The following DBR1 variants were observed in gnomAD, a reference collection of about 807,000 sequenced individuals.
DBR1 encodes lariat debranching enzyme.
In DBR1, 33 loss-of-function variants were observed where a neutral mutation model predicts 45.9. The observed-to-expected ratio is 0.72, with a 90% confidence interval of 0.55 to 0.96. The LOEUF is 0.96. Ranked by LOEUF, DBR1 falls within the 40% of genes least tolerant of loss-of-function variation. DBR1 has a pLI of 0.00. For synonymous variants in DBR1, 235 were observed against 235.9 expected, an observed-to-expected ratio of 1.00 and a Z score of 0.04; for missense variants, 619 against 667.4, an observed-to-expected ratio of 0.93 and a Z score of 0.80.
intron 3 of DBR1, among the ~76,000 whole-genome samples, chr3:138,171,079 G>A (rs1375797024): frequency 6.6e-6 from 1 of 152,148 alleles, no homozygotes; most frequent in African/African-American, 2.4e-5. Flanking sequence ...GGCAAAGACA[G>A]GGAGGGAAGA....
rs771852144 is a variant in DBR1, at chr3:138,173,617, A to G, written c.207T>C (p.Ser69=). ...RHMQTFYRYY[S]GEKKAPVLTL... ...TGAGAACTGGAGCCTTTTTCTCTCC[A>G]GAGTAATACCTAGAACATAAGAGCA... Residue 69 remains serine (S), a synonymous_variant, in exon 2 of 8, where the codon TCT becomes TCC. Transcript: ENST00000260803. The G allele has an allele frequency of 2.5e-6, 4 of 1,613,602 alleles. No individual in the cohort carries two copies. Among genetic ancestry groups the G allele is most frequent in the Non-Finnish European group, 3.4e-6 (4 of 1,179,810 alleles).
At position 138,171,622 on chromosome 3, in the gene DBR1, CA is replaced by C; in HGVS notation, c.403+10del. ...AGTTCTAAAGTTTAAAAATAATTCT[CA>C]AAACAATACCTTTTCGATAGTCATG... On this transcript the variant is annotated intron_variant, in intron 3 of 7. Coordinates refer to ENST00000260803, the MANE Select transcript of DBR1 (RefSeq NM_016216.4). The C allele has an allele frequency of 6.3e-7, 1 of 1,599,868 alleles. No homozygotes were observed. Among genetic ancestry groups the C allele is most frequent in the Non-Finnish European group, 8.6e-7 (1 of 1,168,384 alleles).
chr3:138,163,254 T>A (rs2042915796), intron 7 of DBR1, 95 bp downstream of exon 7: 2 of 1,312,516 alleles, frequency 1.5e-6, no homozygotes, highest in South Asian at 2.8e-5. Context: ...ATAACAGAGC[T>A]AGACCCTGTT....
At position 138,161,428 on chromosome 3, in the gene DBR1, A is replaced by C. The variant is rs568446499; in HGVS notation, c.*461T>G. 6.4e-6 allele frequency: 1 copy of C among 155,060 alleles called. No homozygotes were observed. The highest frequency in any genetic ancestry group is 2.0e-4 in the South Asian group (1 of 5,042). 9.6% of individuals were successfully genotyped at this position (155,060 alleles called of 1,614,324 possible). On this transcript the variant is annotated 3_prime_UTR_variant, in exon 8 of 8. Transcript: ENST00000260803. ...TGAAACATACAAAAGCCTAAAGATA[A>C]AGTCAATATCTAACTAAAATTCTCT...
Position 138,163,442 on chromosome 3 carries a change from A to G in DBR1, c.848T>C (p.Ile283Thr). 1 of 1,612,488 alleles carries G rather than the reference A, an allele frequency of 6.2e-7. No individual in the cohort carries two copies. Among genetic ancestry groups the G allele is most frequent in the South Asian group, 1.1e-5 (1 of 91,024 alleles). Residue 283 changes from isoleucine (I) to threonine (T), a missense_variant, in exon 7 of 8, where the codon ATT (isoleucine) becomes ACT (threonine). Physicochemically the swap from Ile to Thr is moderately conservative, Grantham distance 89. Around this residue, in one of 3 missense-constraint regions of DBR1, gnomAD observed 430 missense variants for 447.7 expected, o/e 0.96. Transcript: ENST00000260803. ...AGCCCTGAGAATAGTGAGCCATTCA[A>G]TATCATATTCCAAGTAATCAGGAGC... is the stretch of plus-strand genomic sequence containing the variant. ...PSAPDYLEYD[I>T]EWLTILRATD...
Position 138,174,630 on chromosome 3 carries a change from G to A in DBR1, c.166C>T (p.Pro56Ser), listed in dbSNP as rs1472572099. 1.2e-6 allele frequency: 2 copies of A among 1,611,938 alleles called. No individual in the cohort carries two copies. Among genetic ancestry groups the A allele is most frequent in the Non-Finnish European group, 1.7e-6 (2 of 1,179,186 alleles). Residue 56 changes from proline to serine, a missense_variant, in exon 1 of 8, where the codon CCC (proline) becomes TCC (serine). Around this residue, in one of 3 missense-constraint regions of DBR1, gnomAD observed 430 missense variants for 447.7 expected, o/e 0.96. Coordinates refer to ENST00000260803, the MANE Select transcript of DBR1 (RefSeq NM_016216.4). ...AAGGTTTGCATGTGACGATACTTGG[G>A]CGGCACGGCCATGCAGCGTAGATCC... ...EADLRCMAVP[P>S]KYRHMQTFYR... is the part of the protein sequence containing the mutation.
Position 138,161,866 on chromosome 3 carries a change from AAAAAC to A in DBR1, c.*18_*22del. ...CATCTCAAAAAAACAAAACAAACAC[AAAAAC>A]AAAACAAGTAAATCATCTTAAGCTG... On this transcript the variant is annotated 3_prime_UTR_variant, in exon 8 of 8. Transcript: ENST00000260803. 6.3e-7 allele frequency: 1 copy of A among 1,589,702 alleles called. No individual in the cohort carries two copies. Among genetic ancestry groups the A allele is most frequent in the Non-Finnish European group, 8.6e-7 (1 of 1,159,922 alleles).
Position 138,174,774 on chromosome 3 carries a change from A to T in DBR1, c.22T>A (p.Cys8Ser). 6.2e-7 allele frequency: 1 copy of T among 1,610,792 alleles called. No homozygotes were observed. Among genetic ancestry groups the T allele is most frequent in the Non-Finnish European group, 8.5e-7 (1 of 1,179,502 alleles). The change falls in exon 1 of 8, where the codon TGC (cysteine) becomes AGC (serine). Residue 8 changes from cysteine to serine, a missense_variant. Physicochemically the swap from Cys to Ser is moderately radical, Grantham distance 112 (BLOSUM62 -1). Around this residue, in one of 3 missense-constraint regions of DBR1, gnomAD observed 430 missense variants for 447.7 expected, o/e 0.96. Transcript: ENST00000260803. The stretch of plus-strand genomic sequence containing the variant: ...ATCTTATCCAGCTCGCCGTGGCAGC[A>T]GCCAGCCACAGCCACCCGCATTCTG... The part of the protein sequence containing the change: MRVAVAG[C>S]CHGELDKIYE...
chr3:138,168,855 G>T (rs895305246), intron 4 of DBR1, among the ~76,000 whole-genome samples: 3 of 152,128 alleles, frequency 2.0e-5, no homozygotes, highest in Non-Finnish European at 4.4e-5. Context: ...CTATTCGGGA[G>T]GCTGAAGTGG....
intron 5 of DBR1, 57 bp downstream of exon 5, chr3:138,167,024 G>C: frequency 1.4e-6 from 2 of 1,467,014 alleles, no homozygotes; most frequent in Non-Finnish European, 9.5e-7. Context: ...ACTGTGTCTG[G>C]TCCATAGATG....
intron 3 of DBR1, chr3:138,171,293 T>C (rs2042952585): frequency 5.8e-6 from 1 of 171,680 alleles, no homozygotes; most frequent in Non-Finnish European, 1.2e-5. Context: ...ACCAACATGG[T>C]GAAACCCCGT....
At chr3:138,164,731 C>G (rs13082429) in intron 5 of DBR1, among the ~76,000 whole-genome samples, 1 of 152,252 alleles carries the variant, frequency 6.6e-6, no homozygotes, top group Non-Finnish European at 1.5e-5. Context: ...ACGGCAACCT[C>G]TGCCTCCCGG....
intron 7 of DBR1, 87 bp downstream of exon 7, chr3:138,163,262 G>A: frequency 7.0e-7 from 1 of 1,418,722 alleles, no homozygotes. Context: ...GCTAGACCCT[G>A]TTTCAAAACA....
Position 138,173,572 on chromosome 3 carries a change from G to A in DBR1, c.252C>T (p.Asn84=). 1 of 1,613,746 alleles carries A rather than the reference G, an allele frequency of 6.2e-7. No homozygotes were observed. The highest frequency in any genetic ancestry group is 8.5e-7 in the Non-Finnish European group (1 of 1,179,796). Residue 84 remains asparagine (N), a synonymous_variant, in exon 2 of 8, where the codon AAC becomes AAT. Transcript: ENST00000260803. ...APVLTLFIGG[N]HEASNHLQEL... The stretch of plus-strand genomic sequence containing the variant: ...CTTGCAAATGATTTGAGGCTTCATG[G>A]TTTCCCCCAATGAAGAGCGTGAGAA...
At position 138,162,078 on chromosome 3, in the gene DBR1, C is replaced by T. The variant is rs148562956; in HGVS notation, c.1446G>A (p.Thr482=). 1.1e-4 allele frequency: 170 copies of T among 1,613,934 alleles called. No individual in the cohort carries two copies. The African/African-American group carries it at 1.3e-3, about 13-fold the overall frequency. ...PGSMIVSSDD[T]VDSTIDREGK... ...CCTCTCTATCAATTGTGGAATCCAC[C>T]GTATCATCAGAAGATACAATCATAG... Residue 482 remains threonine, a synonymous_variant, in exon 8 of 8, where the codon ACG becomes ACA. Transcript: ENST00000260803.
chr3:138,161,638 G>T lies in DBR1; in HGVS notation c.*251C>A. ...AGACAGGTGGATCGCCTGAGGTCAGGAGTTGGAGACCAGCCTGGCCAACAC... is the reference window on the plus strand; with the variant it reads ...AGACAGGTGGATCGCCTGAGGTCAGTAGTTGGAGACCAGCCTGGCCAACAC... On this transcript the variant is annotated 3_prime_UTR_variant, in exon 8 of 8. Transcript: ENST00000260803. The T allele has an allele frequency of 2.5e-6, 1 of 393,586 alleles. No homozygotes were observed. The highest frequency in any genetic ancestry group is 4.7e-6 in the Non-Finnish European group (1 of 210,878). 24.4% of individuals were successfully genotyped at this position (393,586 alleles called of 1,614,324 possible).
chr3:138,163,441 A>G lies in DBR1; in HGVS notation c.849T>C (p.Ile283=). 1 of 1,612,582 alleles carries G rather than the reference A, an allele frequency of 6.2e-7. No individual in the cohort carries two copies. The highest frequency in any genetic ancestry group is 1.1e-5 in the South Asian group (1 of 91,028). Residue 283 remains isoleucine (I), a synonymous_variant, in exon 7 of 8, where the codon ATT becomes ATC. Transcript: ENST00000260803. ...PSAPDYLEYD[I]EWLTILRATD... ...TAGCCCTGAGAATAGTGAGCCATTC[A>G]ATATCATATTCCAAGTAATCAGGAG...
At chr3:138,169,138 T>C (rs1043189322) in intron 4 of DBR1, among the ~76,000 whole-genome samples, 5 of 152,176 alleles carry the variant, frequency 3.3e-5, no homozygotes, top group African/African-American at 1.2e-4. Context: ...CTAGAGACAG[T>C]GTGATGGGCA....
At position 138,163,387 on chromosome 3, in the gene DBR1, G is replaced by T. The variant is rs2042916505; in HGVS notation, c.903C>A (p.Arg301=). The change falls in exon 7 of 8, where the codon CGC becomes CGA. Residue 301 remains arginine, a synonymous_variant. Transcript: ENST00000260803. The part of the protein sequence containing the change: ...ATDDLINVTG[R]LWNMPENNGL... ...CATTATTTTCTGGCATATTCCACAG[G>T]CGCCCAGTCACATTAATAAGATCAT... The T allele has an allele frequency of 4.3e-6, 7 of 1,613,554 alleles. No individual in the cohort carries two copies. In the South Asian group the frequency reaches 7.7e-5, roughly 18 times the overall value.
Sources: gnomAD v4.1 joint callset for allele counts (sites outside exome capture counted in the v4.1 genomes callset) on GRCh38, gnomAD v4.1.1 for gene constraint, gnomAD v4.1.1 regional missense constraint, MANE v1.5 for transcripts, NCBI Gene and HGNC (gene_info 2026-07-23, HGNC 2026-07-21) for gene names.